EML5: variants seen among roughly 807,000 people sequenced by gnomAD.
EML5 encodes EMAP like 5.
EML5 carries 120 observed loss-of-function variants against 250.0 expected under a neutral mutation model. The observed-to-expected ratio is 0.48, with a 90% CI of 0.41 to 0.56. The LOEUF (loss-of-function observed/expected upper bound fraction) is 0.56, where lower values mean the gene tolerates loss of function less well. Among genes scored for constraint, EML5 ranks in the 20% least tolerant of loss-of-function variants. EML5 has a pLI of 0.00. For missense variants in EML5, 2,006 were observed against 2,437.6 expected (o/e 0.82, Z 3.73); for synonymous variants, 771 against 806.5 (o/e 0.96, Z 0.75).
chr14:88,661,919 G>A, intron 24 of EML5, 89 bp from the exon 25 acceptor site: 1 of 1,161,542 alleles, frequency 8.6e-7, no homozygotes, highest in South Asian at 1.7e-5. Context: ...TTGTAGTTAT[G>A]TGTGTCACAA....
Position 88,665,379 on chromosome 14 carries a change from G to A in EML5, c.3235C>T (p.His1079Tyr), listed in dbSNP as rs766464406. The A allele has an allele frequency of 6.2e-7, 1 of 1,613,632 alleles. No individual in the cohort carries two copies. The highest frequency in any genetic ancestry group is 1.7e-5 in the Admixed American group (1 of 59,934). Residue 1079 changes from histidine (H) to tyrosine (Y), a missense_variant, in exon 22 of 44, where the codon CAT becomes TAT. This residue lies in a region of EML5 where 1,375 missense variants were observed against 1,590.3 expected (regional missense o/e 0.86). Transcript: ENST00000554922. ...TCTGAAATCATATCTTTTCTGTGATGAAAAGACACAAGATCCTCTAGAGTA... is the reference window on the plus strand; with the variant it reads ...TCTGAAATCATATCTTTTCTGTGATAAAAAGACACAAGATCCTCTAGAGTA... ...ADTLEDLVSFHHRKDMISDIR... is the reference protein window; with the variant it reads ...ADTLEDLVSFYHRKDMISDIR...
At position 88,659,780 on chromosome 14, in the gene EML5, T is replaced by C. The variant is rs889485391; in HGVS notation, c.3676-1392A>G. 2.0e-5 allele frequency among the ~76,000 whole-genome samples: 3 copies of C among 152,306 alleles called. No homozygotes were observed. In the East Asian group the frequency reaches 5.8e-4, roughly 29 times the overall value. ...TCTAAAACAGGAATCAGTGGAATATTTTCTTGGGTGTCTGAGTTTTCAATG... is the reference window on the plus strand; with the variant it reads ...TCTAAAACAGGAATCAGTGGAATATCTTCTTGGGTGTCTGAGTTTTCAATG... On this transcript the variant is annotated intron_variant, in intron 25 of 43. Coordinates refer to ENST00000554922, the MANE Select transcript of EML5 (RefSeq NM_183387.3).
rs138327051 is a variant in EML5 at position 88,725,502 on chromosome 14, T to C, written c.1187+1039A>G. 5.8e-3 allele frequency among the ~76,000 whole-genome samples: 886 copies of C among 152,210 alleles called. 17 individuals are homozygous for C. The highest frequency in any genetic ancestry group is 0.021 in the African/African-American group (862 of 41,536). ...AGTTCTGAACATATACTGTATGGCA[T>C]GGTGATACAGGAAAGGAGTTTCCTA... On this transcript the variant is annotated intron_variant, in intron 8 of 43. Transcript: ENST00000554922.
chr14:88,782,390 A>C (rs1595879850), intron 1 of EML5, among the ~76,000 whole-genome samples: 1 of 152,264 alleles, frequency 6.6e-6, no homozygotes, highest in Admixed American at 6.5e-5. Context: ...GAAAAGAAAA[A>C]CCCATTTTCT....
At chr14:88,677,220 T>C (rs1416471176) in intron 21 of EML5, among the ~76,000 whole-genome samples, 6 of 152,096 alleles carry the variant, frequency 3.9e-5, no homozygotes, top group African/African-American at 1.4e-4. Flanking sequence ...CCCTATTTAA[T>C]AAATGATGCT....
intron 2 of EML5, among the ~76,000 whole-genome samples, chr14:88,754,051 T>C (rs2094131816): frequency 6.6e-6 from 1 of 151,994 alleles, no homozygotes; most frequent in East Asian, 1.9e-4. Context: ...GCAGGAACAT[T>C]GCTTGAGCCC....
At chr14:88,762,295 G>A (rs889939657) in intron 1 of EML5, among the ~76,000 whole-genome samples, 57 of 152,290 alleles carry the variant, frequency 3.7e-4, no homozygotes, top group Middle Eastern at 6.8e-3. Flanking sequence ...TGGATCACCT[G>A]AGGTCGGGAG....
rs757834744 is a variant in EML5, at chr14:88,626,963, A to C, written c.4615T>G (p.Ser1539Ala). ...AACTTCACATGTTTTACTCCCACTG[A>C]GACAAACTGGGTATCTGAATCTGGT... The part of the protein sequence containing the change: ...FRPDSDTQFV[S>A]VGVKHVKFWT... Residue 1539 changes from serine (S) to alanine (A), a missense_variant, in exon 35 of 44, where the codon TCA (serine) becomes GCA (alanine). Transcript: ENST00000554922. The C allele has an allele frequency of 6.2e-7, 1 of 1,613,984 alleles. No individual in the cohort carries two copies. The highest frequency in any genetic ancestry group is 1.1e-5 in the South Asian group (1 of 91,072).
intron 1 of EML5, among the ~76,000 whole-genome samples, chr14:88,782,731 T>C (rs778606675): frequency 2.0e-5 from 3 of 152,184 alleles, no homozygotes; most frequent in Non-Finnish European, 2.9e-5. Flanking sequence ...CCTGCAAATG[T>C]GCAGAAGACA....
rs1468957693 is a variant in EML5, at chr14:88,618,831, TAA to T, written c.5376-21_5376-20del. 7 of 1,553,522 alleles carry T rather than the reference TAA, an allele frequency of 4.5e-6. No homozygotes were observed. The East Asian group carries it at 1.7e-4, about 37-fold the overall frequency. ...ACTAAATCTGAATCAAAACAAAACGTAAAAAGTATTAGACCACATGAAGTATT... is the reference window on the plus strand; with the variant it reads ...ACTAAATCTGAATCAAAACAAAACGTAAAGTATTAGACCACATGAAGTATT... On this transcript the variant is annotated intron_variant, in intron 39 of 43. Transcript: ENST00000554922.
At chr14:88,781,043 T>C (rs945970227) in intron 1 of EML5, among the ~76,000 whole-genome samples, 9 of 152,238 alleles carry the variant, frequency 5.9e-5, no homozygotes, top group Non-Finnish European at 1.0e-4. Flanking sequence ...GCAGGTTTGT[T>C]TGCAGTCTAT....
At chr14:88,708,330 C>A (rs2093351429) in intron 10 of EML5, among the ~76,000 whole-genome samples, 1 of 151,796 alleles carries the variant, frequency 6.6e-6, no homozygotes, top group Non-Finnish European at 1.5e-5. Context: ...CTGTGATTAC[C>A]CCTTGTGATT....
chr14:88,755,484 A>C (rs747558653), intron 1 of EML5, among the ~76,000 whole-genome samples: 7 of 152,232 alleles, frequency 4.6e-5, no homozygotes, highest in Non-Finnish European at 1.0e-4. Flanking sequence ...AATTCGCAAA[A>C]AAAAATCTAT....
intron 21 of EML5, among the ~76,000 whole-genome samples, chr14:88,668,863 G>A (rs753667818): frequency 6.6e-6 from 1 of 152,006 alleles, no homozygotes; most frequent in East Asian, 1.9e-4. Context: ...GAGCAAAAAA[G>A]CCACATTTGG....
At chr14:88,715,296 TTATAAAC>T (rs1326817119) in intron 8 of EML5, 101 bp from the exon 9 acceptor site, 1 of 1,174,320 alleles carries the variant, frequency 8.5e-7, no homozygotes, top group Non-Finnish European at 1.2e-6. Flanking sequence ...TATCAAGTGT[TTATAAAC>T]TATAAAGTAA....
In EML5 at chr14:88,746,229, T is replaced by C. The variant is rs1400409405; in HGVS notation, c.412A>G (p.Lys138Glu). 5 of 1,613,288 alleles carry C rather than the reference T, an allele frequency of 3.1e-6. No individual in the cohort carries two copies. The highest frequency in any genetic ancestry group is 4.5e-5 in the East Asian group (2 of 44,804). ...SKNAVCVWDW[K>E]RGKMLSMAPG... is the part of the protein sequence containing the mutation. Reference sequence around the variant, plus strand: ...GCCATAGACAACATTTTTCCCCTTTTCCAGTCCCAAACACAAACTGCATTC... The same window carrying C: ...GCCATAGACAACATTTTTCCCCTTTCCCAGTCCCAAACACAAACTGCATTC... Residue 138 changes from lysine to glutamate, a missense_variant, in exon 3 of 44, where the codon AAA (lysine) becomes GAA (glutamate). Physicochemically the swap from Lys to Glu is moderately conservative, Grantham distance 56 (BLOSUM62 1). Coordinates refer to ENST00000554922, the MANE Select transcript of EML5 (RefSeq NM_183387.3).
rs760760860 is a variant in EML5 at position 88,615,891 on chromosome 14, T to G, written c.5898-37A>C. ...GAAGAAAATTGCAGGGAGTTAATTA[T>G]GTTTTTAGATTTTCATAACAGTTTA... is the stretch of plus-strand genomic sequence containing the variant. On this transcript the variant is annotated intron_variant, in intron 43 of 43. Coordinates refer to ENST00000554922, the MANE Select transcript of EML5 (RefSeq NM_183387.3). 2.5e-6 allele frequency: 4 copies of G among 1,592,370 alleles called. No individual in the cohort carries two copies. The Admixed American group carries it at 7.1e-5, about 28-fold the overall frequency.
In EML5 at chr14:88,702,604, G is replaced by A; in HGVS notation, c.2080C>T (p.Leu694=). The A allele has an allele frequency of 6.2e-7, 1 of 1,600,634 alleles. No homozygotes were observed. Among genetic ancestry groups the A allele is most frequent in the South Asian group, 1.1e-5 (1 of 88,814 alleles). Residue 694 remains leucine (L), a synonymous_variant, in exon 14 of 44, where the codon CTG becomes TTG. Transcript: ENST00000554922. ...ATTTCACCAATTTGAGTATAAAACA[G>A]ATTACTTCGACAGTCATAACCTCTG... is the stretch of plus-strand genomic sequence containing the variant. The part of the protein sequence containing the change: ...GYRGYDCRSN[L]FYTQIGEIVY...
intron 31 of EML5, among the ~76,000 whole-genome samples, chr14:88,641,658 T>C (rs933614896): frequency 1.3e-5 from 2 of 152,150 alleles, no homozygotes; most frequent in African/African-American, 4.8e-5. Flanking sequence ...AAACTAGGAA[T>C]TGAAGGAACA....
Sources: allele counts gnomAD v4.1 joint callset (sites outside exome capture counted in the v4.1 genomes callset), GRCh38; gene constraint gnomAD v4.1.1; regional missense constraint gnomAD v4.1.1; transcripts MANE v1.5; gene names NCBI Gene and HGNC (gene_info 2026-07-23, HGNC 2026-07-21).